Variants in CHAT observed in about 807,000 individuals in gnomAD.
CHAT encodes acetyl CoA:choline O-acetyltransferase.
In CHAT, 61 loss-of-function variants were observed where a neutral mutation model predicts 76.9. The observed-to-expected ratio is 0.79, with a 90% CI of 0.65 to 0.98. The LOEUF is 0.98. Among genes scored for constraint, CHAT ranks in the 50% least tolerant of loss-of-function variants. The pLI is 0.00. For missense variants in CHAT, 946 were observed against 986.9 expected, an observed-to-expected ratio of 0.96 and a Z score of 0.56; for synonymous variants, 407 against 397.4, an observed-to-expected ratio of 1.02 and a Z score of -0.29.
chr10:49,611,934 C>G (rs192440196), upstream of CHAT: 25 of 1,612,566 alleles, frequency 1.6e-5, no homozygotes, highest in East Asian at 5.4e-4. Flanking sequence ...CCCTAGTCGA[C>G]ACAGCACTGC....
At chr10:49,610,733 G>T, upstream of CHAT, 1 of 1,506,392 alleles carries the variant, frequency 6.6e-7, no homozygotes, top group Non-Finnish European at 8.8e-7. Flanking sequence ...GAGCATCGGG[G>T]TGGGGGCATG....
intron 6 of CHAT, among the ~76,000 whole-genome samples, chr10:49,627,336 T>C (rs531861128): frequency 3.8e-4 from 58 of 152,348 alleles, no homozygotes; most frequent in African/African-American, 1.4e-3. Context: ...CAATTTATAT[T>C]CCATTCCCCA....
At chr10:49,625,960 G>A (rs1053526891) in intron 6 of CHAT, among the ~76,000 whole-genome samples, 5 of 152,208 alleles carry the variant, frequency 3.3e-5, no homozygotes, top group Non-Finnish European at 1.5e-5. Context: ...CAGTCACCCA[G>A]GCTCTGGCCT....
intron 13 of CHAT, among the ~76,000 whole-genome samples, chr10:49,656,039 G>A (rs894734761): frequency 2.0e-5 from 3 of 152,152 alleles, no homozygotes; most frequent in African/African-American, 4.8e-5. Flanking sequence ...TGACTTGGGC[G>A]GCTCATCAAT....
chr10:49,610,977 G>A (rs756806169), upstream of CHAT: 1 of 1,611,316 alleles, frequency 6.2e-7, no homozygotes, highest in African/African-American at 1.3e-5. Flanking sequence ...AGGTGTGGGA[G>A]CCCACCCTGC....
At chr10:49,619,125 G>A (rs2132708777) in intron 2 of CHAT, among the ~76,000 whole-genome samples, 1 of 152,254 alleles carries the variant, frequency 6.6e-6, no homozygotes, top group Middle Eastern at 3.4e-3. Context: ...CATTAGGGCA[G>A]CACTGAATTA....
upstream of CHAT, chr10:49,611,136 T>C (rs8175353): frequency 0.022 from 34,968 of 1,614,104 alleles, 4,157 homozygotes; most frequent in East Asian, 0.38. Flanking sequence ...CTTCCAAGGC[T>C]ATCCTGCAGC....
chr10:49,621,009 C>G (rs925481353), intron 4 of CHAT, among the ~76,000 whole-genome samples: 2 of 152,182 alleles, frequency 1.3e-5, no homozygotes, highest in Non-Finnish European at 2.9e-5. Flanking sequence ...GCCCCCAGCT[C>G]TAAACAGAGG....
chr10:49,621,217 A>C (rs1838695688), intron 4 of CHAT, among the ~76,000 whole-genome samples: 1 of 152,038 alleles, frequency 6.6e-6, no homozygotes, highest in East Asian at 1.9e-4. Flanking sequence ...AATGGTGGGG[A>C]CGGTTTAGAG....
At chr10:49,651,249 C>T (rs1372837535) in intron 10 of CHAT, among the ~76,000 whole-genome samples, 1 of 135,788 alleles carries the variant, frequency 7.4e-6, no homozygotes, top group East Asian at 2.2e-4. Flanking sequence ...CCCCTGTGTT[C>T]CTAGCACCTG....
chr10:49,632,752 C>CA (rs1839168194), intron 7 of CHAT, among the ~76,000 whole-genome samples: 1 of 152,220 alleles, frequency 6.6e-6, no homozygotes, highest in East Asian at 1.9e-4. Context: ...ACCCTGCCCC[C>CA]AACCAGGATG....
chr10:49,611,588 A>G (rs1365474666), upstream of CHAT: 1 of 1,609,090 alleles, frequency 6.2e-7, no homozygotes, highest in Admixed American at 1.7e-5. Flanking sequence ...ACTCCCATCC[A>G]CCGCCTCATG....
chr10:49,614,327 C>T lies in CHAT; in HGVS notation c.138C>T (p.Gly46=). The T allele has an allele frequency of 6.5e-7, 1 of 1,547,420 alleles. No individual in the cohort carries two copies. The highest frequency in any genetic ancestry group is 8.7e-7 in the Non-Finnish European group (1 of 1,146,100). The change falls in exon 1 of 15, where the codon GGC becomes GGT. Residue 46 remains glycine, a synonymous_variant. Coordinates refer to ENST00000337653, the MANE Select transcript of CHAT (RefSeq NM_020549.5). ...FLQSGGRGDP[G]DVGGPAGNPG... is the part of the protein sequence containing the mutation. ...AGTCGGGTGGCCGCGGGGACCCGGG[C>T]GACGTCGGAGGCCCTGCCGGGAACC...
At chr10:49,621,258 G>A (rs1838697421) in intron 4 of CHAT, among the ~76,000 whole-genome samples, 1 of 152,166 alleles carries the variant, frequency 6.6e-6, no homozygotes, top group South Asian at 2.1e-4. Context: ...CCGAGGACAA[G>A]AGGCAGGGCC....
chr10:49,625,669 T>C lies in CHAT; in HGVS notation c.933+16T>C, dbSNP rs374888977. 2.6e-6 allele frequency: 4 copies of C among 1,557,466 alleles called. No individual in the cohort carries two copies. The African/African-American group carries it at 4.1e-5, about 16-fold the overall frequency. On this transcript the variant is annotated intron_variant, in intron 6 of 14. Transcript: ENST00000337653. ...CTGCAATCAGGTAAGCAACCCCTTG[T>C]CTTGGTGAGGGAGGGCACAGAGCAT...
rs1456517100 is a variant in CHAT, at chr10:49,614,589, G to A, written c.286+114G>A. ...GCCGAGAGGCCCCAGGACTCGTGGA[G>A]TCCTCTGAGTCCTGCGCAGCAGCGG... On this transcript the variant is annotated intron_variant, in intron 1 of 14. Transcript: ENST00000337653. The A allele has an allele frequency of 6.5e-5, 59 of 905,998 alleles. No individual in the cohort carries two copies. The South Asian group carries it at 9.5e-4, about 15-fold the overall frequency. The allele number at this position is 905,998 out of a possible 1,614,324, so 56.1% of individuals were successfully genotyped here. A position where few individuals can be genotyped will look rare whatever the true frequency, so the allele number is the denominator to read the frequency against.
upstream of CHAT, chr10:49,610,485 C>T (rs1838260320): frequency 2.5e-6 from 1 of 403,026 alleles, no homozygotes; most frequent in African/African-American, 2.1e-5. Context: ...CCTCGGCGCG[C>T]CCGACTTCCC....
chr10:49,646,283 C>T (rs542308960), intron 7 of CHAT, among the ~76,000 whole-genome samples: 77 of 152,326 alleles, frequency 5.1e-4, no homozygotes, highest in Non-Finnish European at 9.1e-4. Context: ...AGGGACCGTG[C>T]GAATGAGCTG....
intron 7 of CHAT, among the ~76,000 whole-genome samples, chr10:49,643,335 G>T (rs1839549787): frequency 6.6e-6 from 1 of 152,144 alleles, no homozygotes; most frequent in Admixed American, 6.5e-5. Context: ...ACAAGCCTGG[G>T]GATCTGTTCT....
Sources: allele counts gnomAD v4.1 joint callset (sites outside exome capture counted in the v4.1 genomes callset), GRCh38; gene constraint gnomAD v4.1.1; transcripts MANE v1.5; gene names NCBI Gene and HGNC (gene_info 2026-07-23, HGNC 2026-07-21).